The following PEAK1 variants were observed in gnomAD, a reference collection of about 807,000 sequenced individuals.
PEAK1 encodes the protein pseudopodium enriched atypical kinase 1.
In PEAK1, 54 loss-of-function variants were observed where a neutral mutation model predicts 124.7. The observed-to-expected ratio is 0.43, with a 90% CI of 0.35 to 0.54. The LOEUF (loss-of-function observed/expected upper bound fraction) is 0.54, where lower values mean the gene tolerates loss of function less well. Ranked by LOEUF, PEAK1 falls within the 20% of genes least tolerant of loss-of-function variation. The pLI, the probability that PEAK1 is intolerant of heterozygous loss-of-function variation, is 0.01. For synonymous variants in PEAK1, 719 were observed against 760.0 expected (o/e 0.95, Z 0.89); for missense variants, 2,046 against 2,134.5 (o/e 0.96, Z 0.82).
intron 6 of PEAK1, among the ~76,000 whole-genome samples, chr15:77,213,526 T>C (rs964218603): frequency 1.3e-5 from 2 of 152,028 alleles, no homozygotes; most frequent in East Asian, 1.9e-4. Flanking sequence ...CCATCTCTAC[T>C]AAAACTACAA....
In PEAK1 at chr15:77,417,384, G is replaced by A. The variant is rs1323752842; in HGVS notation, c.-666+2622C>T. The A allele has an allele frequency of 1.0e-5, 10 of 978,892 alleles. No individual in the cohort carries two copies. In the African/African-American group the frequency reaches 1.8e-4, roughly 18 times the overall value. 60.6% of individuals were successfully genotyped at this position (978,892 alleles called of 1,614,324 possible). On this transcript the variant is annotated intron_variant, in intron 1 of 9. Coordinates refer to ENST00000682557, the MANE Select transcript of PEAK1 (RefSeq NM_001385026.1). ...TCACTAAGGAAAACAAACCAGCCTT[G>A]AGGGAACCTAGAAAGTACCAGGAGC...
intron 7 of PEAK1, among the ~76,000 whole-genome samples, chr15:77,162,051 A>G (rs1218488850): frequency 6.6e-6 from 1 of 151,940 alleles, no homozygotes; most frequent in African/African-American, 2.4e-5. Context: ...ACAATATACT[A>G]TGACTAAAAA....
intron 6 of PEAK1, among the ~76,000 whole-genome samples, chr15:77,226,699 C>T (rs903166504): frequency 4.6e-5 from 7 of 152,068 alleles, no homozygotes; most frequent in African/African-American, 1.7e-4. Context: ...TGAGAAACAC[C>T]TCACTCTTCA....
chr15:77,368,567 G>C (rs1183735094), intron 1 of PEAK1, among the ~76,000 whole-genome samples: 1 of 151,484 alleles, frequency 6.6e-6, no homozygotes, highest in Non-Finnish European at 1.5e-5. Flanking sequence ...CTGCTTGAGG[G>C]TTTAAAACTC....
intron 6 of PEAK1, among the ~76,000 whole-genome samples, chr15:77,215,876 C>G (rs868127032): frequency 6.6e-6 from 1 of 151,240 alleles, no homozygotes; most frequent in Non-Finnish European, 1.5e-5. Flanking sequence ...GCTTTGTTAC[C>G]TGTAGATTTA....
At chr15:77,327,600 C>T (rs190407716) in intron 2 of PEAK1, among the ~76,000 whole-genome samples, 93 of 151,972 alleles carry the variant, frequency 6.1e-4, no homozygotes, top group African/African-American at 2.2e-3. Context: ...ATAAAATATA[C>T]TAAGACCTAA....
intron 1 of PEAK1, among the ~76,000 whole-genome samples, chr15:77,411,001 G>A (rs1313490143): frequency 1.3e-5 from 2 of 152,104 alleles, no homozygotes; most frequent in Non-Finnish European, 2.9e-5. Context: ...ATGCAAAGGG[G>A]TTGAAATTAA....
chr15:77,381,313 A>C, intron 1 of PEAK1: 12 of 858,464 alleles, frequency 1.4e-5, no homozygotes, highest in Non-Finnish European at 1.7e-5. Flanking sequence ...TACGTGGGAG[A>C]CTGAGGCGAA....
intron 8 of PEAK1, among the ~76,000 whole-genome samples, chr15:77,153,987 G>A (rs2054893022): frequency 6.6e-6 from 1 of 152,202 alleles, no homozygotes; most frequent in Non-Finnish European, 1.5e-5. Context: ...GAGTTCTGTA[G>A]ATGTCTATTA....
chr15:77,275,281 C>A (rs2062250752), intron 5 of PEAK1, among the ~76,000 whole-genome samples: 1 of 152,096 alleles, frequency 6.6e-6, no homozygotes, highest in East Asian at 1.9e-4. Context: ...ATTCATGTAA[C>A]CAAACACCAC....
chr15:77,120,253 T>C (rs2051790400), intron 9 of PEAK1, among the ~76,000 whole-genome samples: 1 of 152,214 alleles, frequency 6.6e-6, no homozygotes, highest in South Asian at 2.1e-4. Context: ...AACCATGTCA[T>C]ATACACTACT....
chr15:77,120,101 C>T (rs1224863750), intron 9 of PEAK1, among the ~76,000 whole-genome samples: 1 of 152,150 alleles, frequency 6.6e-6, no homozygotes, highest in Non-Finnish European at 1.5e-5. Flanking sequence ...ATTAATCTGT[C>T]GTTGAATGGC....
intron 5 of PEAK1, among the ~76,000 whole-genome samples, chr15:77,254,294 T>C (rs544160436): frequency 3.0e-4 from 45 of 152,346 alleles, no homozygotes; most frequent in African/African-American, 1.1e-3. Context: ...TCTCCCTTCC[T>C]CTTGGGGATT....
intron 8 of PEAK1, among the ~76,000 whole-genome samples, chr15:77,149,249 A>T (rs1023469328): frequency 3.3e-5 from 5 of 152,244 alleles, no homozygotes; most frequent in African/African-American, 1.2e-4. Context: ...ATTTTCAGAA[A>T]CAAATTCCAC....
chr15:77,108,945 C>T lies in PEAK1; in HGVS notation c.*5211G>A, dbSNP rs1049618396. Reference sequence around the variant, plus strand: ...TTGCAGCCCACCTAGGTGGGGAAAGCTTCTAGCAGTGGTTGATGCAAAAAT... The same window carrying T: ...TTGCAGCCCACCTAGGTGGGGAAAGTTTCTAGCAGTGGTTGATGCAAAAAT... On this transcript the variant is annotated 3_prime_UTR_variant, in exon 10 of 10. Transcript: ENST00000682557. 6.6e-6 allele frequency: 1 copy of T among 152,124 alleles called. No homozygotes were observed. The highest frequency in any genetic ancestry group is 2.1e-4 in the South Asian group (1 of 4,820). The allele number at this position is 152,124 out of a possible 1,614,324, so 9.4% of individuals were successfully genotyped here.
intron 1 of PEAK1, chr15:77,417,596 T>G: frequency 5.1e-6 from 5 of 985,432 alleles, no homozygotes; most frequent in Non-Finnish European, 6.0e-6. Context: ...GTACTCACAC[T>G]TGGCATGCCA....
intron 6 of PEAK1, among the ~76,000 whole-genome samples, chr15:77,236,262 T>C (rs2060118864): frequency 6.6e-6 from 1 of 152,108 alleles, no homozygotes; most frequent in Non-Finnish European, 1.5e-5. Context: ...TGAAAGCAGC[T>C]GGGACGGGGA....
At chr15:77,172,589 G>C (rs554200662) in intron 7 of PEAK1, among the ~76,000 whole-genome samples, 2 of 152,330 alleles carry the variant, frequency 1.3e-5, no homozygotes, top group Non-Finnish European at 2.9e-5. Context: ...GTTCATGAAA[G>C]AGGGGGCTAG....
At chr15:77,196,918 T>C (rs2058132305) in intron 6 of PEAK1, among the ~76,000 whole-genome samples, 2 of 152,162 alleles carry the variant, frequency 1.3e-5, no homozygotes, top group Non-Finnish European at 2.9e-5. Flanking sequence ...GGTGCGATCA[T>C]GGCTCACTGC....
Sources: gnomAD v4.1 joint callset for allele counts (sites outside exome capture counted in the v4.1 genomes callset) on GRCh38, gnomAD v4.1.1 for gene constraint, MANE v1.5 for transcripts, NCBI Gene and HGNC (gene_info 2026-07-23, HGNC 2026-07-21) for gene names.